SEZ6L: variants seen among roughly 807,000 people sequenced by gnomAD.
SEZ6L encodes the protein seizure 6-like protein.
A neutral mutation model predicts 106.2 loss-of-function variants in SEZ6L; 37 were observed. The observed-to-expected ratio is 0.35, with a 90% CI of 0.27 to 0.46. SEZ6L has a LOEUF of 0.46. Ranked by LOEUF, SEZ6L falls within the 20% of genes least tolerant of loss-of-function variation. SEZ6L has a pLI of 1.00. For synonymous variants in SEZ6L, 541 were observed against 570.4 expected, an observed-to-expected ratio of 0.95 and a Z score of 0.73; for missense variants, 1,172 against 1,332.8, an observed-to-expected ratio of 0.88 and a Z score of 1.88.
chr22:26,233,465 A>G (rs896005183), intron 1 of SEZ6L, among the ~76,000 whole-genome samples: 1 of 152,246 alleles, frequency 6.6e-6, no homozygotes, highest in Admixed American at 6.5e-5. Flanking sequence ...GCTGTGCTGT[A>G]TTCATAGAAC....
At chr22:26,200,666 C>G (rs1273024735) in intron 1 of SEZ6L, among the ~76,000 whole-genome samples, 1 of 152,180 alleles carries the variant, frequency 6.6e-6, no homozygotes, top group African/African-American at 2.4e-5. Context: ...GCCACTGCTC[C>G]CAGTGTGCCA....
intron 11 of SEZ6L, among the ~76,000 whole-genome samples, chr22:26,348,590 A>AAG (rs1238927414): frequency 1.5e-5 from 1 of 67,482 alleles, no homozygotes; most frequent in African/African-American, 9.9e-5. Context: ...AAGAAAGAGA[A>AAG]AGAAAGAAAG....
intron 1 of SEZ6L, among the ~76,000 whole-genome samples, chr22:26,289,545 G>T (rs562385147): frequency 6.6e-5 from 10 of 152,236 alleles, no homozygotes; most frequent in African/African-American, 1.9e-4. Flanking sequence ...TAGGAAATCT[G>T]CCTGATGCCT....
At chr22:26,281,374 C>CTTTTTT (rs769088373) in intron 1 of SEZ6L, among the ~76,000 whole-genome samples, 4 of 130,608 alleles carry the variant, frequency 3.1e-5, no homozygotes, top group African/African-American at 1.2e-4. Context: ...TTCTTTCTTT[C>CTTTTTT]TTTTTTTTTT....
At chr22:26,216,145 A>G (rs144660700) in intron 1 of SEZ6L, among the ~76,000 whole-genome samples, 2,541 of 152,330 alleles carry the variant, frequency 0.017, 50 homozygotes, top group Middle Eastern at 0.027. Flanking sequence ...ACCCTGTCAG[A>G]AGCAAAGCCC....
chr22:26,181,982 A>G (rs1939429922), intron 1 of SEZ6L, among the ~76,000 whole-genome samples: 1 of 152,186 alleles, frequency 6.6e-6, no homozygotes, highest in African/African-American at 2.4e-5. Context: ...ATGCATTATT[A>G]TCATTATTAA....
At chr22:26,351,272 C>T (rs776298292) in intron 12 of SEZ6L, 29 bp downstream of exon 12, 3 of 1,601,004 alleles carry the variant, frequency 1.9e-6, no homozygotes, top group Admixed American at 3.4e-5. Flanking sequence ...ATTGGGCCCC[C>T]AGTAGGTAGA....
chr22:26,266,422 A>T (rs144526533), intron 1 of SEZ6L, among the ~76,000 whole-genome samples: 2,859 of 150,728 alleles, frequency 0.019, 30 homozygotes, highest in Non-Finnish European at 0.03. Context: ...AAATACAAAA[A>T]TTTAGCCGGG....
intron 12 of SEZ6L, among the ~76,000 whole-genome samples, chr22:26,357,304 G>T (rs1292963444): frequency 6.6e-6 from 1 of 152,146 alleles, no homozygotes; most frequent in Admixed American, 6.6e-5. Flanking sequence ...GGCATCCTGG[G>T]TCACCTTGGT....
chr22:26,299,162 C>A lies in SEZ6L; in HGVS notation c.1341C>A (p.Ile447=). 1.3e-6 allele frequency: 2 copies of A among 1,542,042 alleles called. No homozygotes were observed. The highest frequency in any genetic ancestry group is 1.8e-6 in the Non-Finnish European group (2 of 1,141,100). Residue 447 remains isoleucine (I), a synonymous_variant, in exon 5 of 17, where the codon ATC becomes ATA. Coordinates refer to ENST00000248933, the MANE Select transcript of SEZ6L (RefSeq NM_021115.5). ...SKPHWSSQEP[I]CSAPCGGAVH... ...CGCACTGGAGCAGCCAGGAGCCCAT[C>A]TGCTCAGGTATGCTCCAGCCTCAGC... is the stretch of plus-strand genomic sequence containing the variant.
intron 9 of SEZ6L, among the ~76,000 whole-genome samples, chr22:26,337,475 A>G (rs147337533): frequency 3.4e-4 from 52 of 152,312 alleles, no homozygotes; most frequent in Non-Finnish European, 5.9e-4. Context: ...CGGCACTTTC[A>G]TGAACAATTG....
In SEZ6L at chr22:26,292,429, A is replaced by G. The variant is rs770575674; in HGVS notation, c.118A>G (p.Ser40Gly). 13 of 1,613,386 alleles carry G rather than the reference A, an allele frequency of 8.1e-6. No homozygotes were observed. The highest frequency in any genetic ancestry group is 4.2e-6 in the Non-Finnish European group (5 of 1,179,686). ...AGATGCTCTTCCCGAGGGAGATGCT[A>G]GCCCTTTGGGTCCTTACCTCCTGCC... The part of the protein sequence containing the change: ...ERDALPEGDA[S>G]PLGPYLLPSG... The change falls in exon 2 of 17, where the codon AGC (serine) becomes GGC (glycine). Residue 40 changes from serine to glycine, a missense_variant. Around this residue, in one of 4 missense-constraint regions of SEZ6L, gnomAD observed 494 missense variants for 445.8 expected, o/e 1.11. Coordinates refer to ENST00000248933, the MANE Select transcript of SEZ6L (RefSeq NM_021115.5).
At chr22:26,325,512 G>A (rs1413631010) in intron 9 of SEZ6L, among the ~76,000 whole-genome samples, 1 of 152,168 alleles carries the variant, frequency 6.6e-6, no homozygotes, top group Non-Finnish European at 1.5e-5. Context: ...AGGGCTTGGT[G>A]CCTGGCATAT....
intron 1 of SEZ6L, among the ~76,000 whole-genome samples, chr22:26,201,027 C>A (rs948277122): frequency 2.0e-5 from 3 of 152,150 alleles, no homozygotes; most frequent in Admixed American, 2.0e-4. Context: ...GTTCCCCCAA[C>A]AGGCCTTCTT....
chr22:26,270,410 T>C (rs17394371), intron 1 of SEZ6L, among the ~76,000 whole-genome samples: 19,336 of 151,788 alleles, frequency 0.13, 1,516 homozygotes, highest in Non-Finnish European at 0.18. Context: ...TAACTTGAAA[T>C]AGAATTATCA....
At chr22:26,213,858 C>G (rs978552167) in intron 1 of SEZ6L, among the ~76,000 whole-genome samples, 1 of 152,178 alleles carries the variant, frequency 6.6e-6, no homozygotes, top group Admixed American at 6.5e-5. Flanking sequence ...GAAGTCTAGG[C>G]TGCAGTGAAC....
At chr22:26,203,905 AT>A (rs760420417) in intron 1 of SEZ6L, among the ~76,000 whole-genome samples, 13 of 152,154 alleles carry the variant, frequency 8.5e-5, no homozygotes, top group Non-Finnish European at 1.6e-4. Flanking sequence ...GGGTAAGGTG[AT>A]GTTTCAACTT....
intron 1 of SEZ6L, among the ~76,000 whole-genome samples, chr22:26,277,539 G>A (rs1420206356): frequency 6.6e-6 from 1 of 152,216 alleles, no homozygotes; most frequent in Non-Finnish European, 1.5e-5. Flanking sequence ...ATGTGGATGA[G>A]TTGCCTTCAT....
chr22:26,280,831 T>C (rs1254246533), intron 1 of SEZ6L, among the ~76,000 whole-genome samples: 1 of 152,254 alleles, frequency 6.6e-6, no homozygotes, highest in African/African-American at 2.4e-5. Context: ...TTTTGAAATA[T>C]GCAGGCATCG....
Sources: allele counts gnomAD v4.1 joint callset (sites outside exome capture counted in the v4.1 genomes callset), GRCh38; gene constraint gnomAD v4.1.1; regional missense constraint gnomAD v4.1.1; transcripts MANE v1.5; gene names NCBI Gene and HGNC (gene_info 2026-07-23, HGNC 2026-07-21).